The following HTT variants were observed in gnomAD, a reference collection of about 807,000 sequenced individuals.
The protein encoded by HTT is huntington disease protein.
In HTT, 104 loss-of-function variants were observed where a neutral mutation model predicts 362.3. The observed-to-expected ratio is 0.29, with a 90% CI of 0.24 to 0.34. The LOEUF is 0.34. HTT is among the 10% of genes least tolerant of loss of function. The probability of loss-of-function intolerance (pLI) is 1.00; values close to 1 mark genes in which losing one functional copy is unlikely to be tolerated. For missense variants in HTT, 3,301 were observed against 3,928.6 expected, an observed-to-expected ratio of 0.84 and a Z score of 4.27; for synonymous variants, 1,577 against 1,548.7, an observed-to-expected ratio of 1.02 and a Z score of -0.43.
At chr4:3,164,435 A>G (rs1717598674) in intron 29 of HTT, among the ~76,000 whole-genome samples, 1 of 152,178 alleles carries the variant, frequency 6.6e-6, no homozygotes, top group African/African-American at 2.4e-5. Context: ...GTAGATGTCT[A>G]TTAGGTCCGC....
intron 40 of HTT, among the ~76,000 whole-genome samples, chr4:3,190,343 T>TA (rs1225264188): frequency 2.2e-4 from 29 of 132,716 alleles, no homozygotes; most frequent in South Asian, 9.6e-4. Context: ...TGCCTCTTAT[T>TA]AAAAAAAAAT....
rs1457973236 is a variant in HTT, at chr4:3,154,383, C to A, written c.3589C>A (p.Pro1197Thr). The A allele has an allele frequency of 3.7e-6, 6 of 1,613,898 alleles. No individual in the cohort carries two copies. In the South Asian group the frequency reaches 6.6e-5, roughly 18 times the overall value. ...AGAACCAGGAGAACAAGCATCTGTACCGTTGAGTCCCAAGAAAGGCAGTGA... is the reference window on the plus strand; with the variant it reads ...AGAACCAGGAGAACAAGCATCTGTAACGTTGAGTCCCAAGAAAGGCAGTGA... ...EKEPGEQASV[P>T]LSPKKGSEAS... Residue 1197 changes from proline (P) to threonine (T), a missense_variant, in exon 27 of 67, where the codon CCG (proline) becomes ACG (threonine). This residue lies in a region of HTT where 2,316 missense variants were observed against 2,658.5 expected (regional missense o/e 0.87). Transcript: ENST00000355072.
Position 3,235,593 on chromosome 4 carries a change from A to G in HTT, c.8600A>G (p.Glu2867Gly). 6.2e-7 allele frequency: 1 copy of G among 1,613,858 alleles called. No homozygotes were observed. Reference protein sequence around the residue: ...QMCGVMLSGSEESTPSIIYHC... With the variant: ...QMCGVMLSGSGESTPSIIYHC... Reference sequence around the variant, plus strand: ...TGTGGGGTGATGCTGTCTGGAAGTGAGGAGTCCACCCCCTCCATCATTTAC... The same window carrying G: ...TGTGGGGTGATGCTGTCTGGAAGTGGGGAGTCCACCCCCTCCATCATTTAC... Residue 2867 changes from glutamate to glycine, a missense_variant, in exon 63 of 67, where the codon GAG (glutamate) becomes GGG (glycine). Glu to Gly is a moderately conservative substitution (Grantham distance 98). Coordinates refer to ENST00000355072, the MANE Select transcript of HTT (RefSeq NM_001388492.1).
intron 4 of HTT, among the ~76,000 whole-genome samples, chr4:3,104,084 C>T (rs112391116): frequency 0.083 from 12,553 of 152,004 alleles, 885 homozygotes; most frequent in African/African-American, 0.2. Flanking sequence ...ACAAACAATC[C>T]AGTTACATGC....
chr4:3,233,253 G>A lies in HTT; in HGVS notation c.8356G>A (p.Val2786Ile), dbSNP rs362272. 472,453 of 1,610,054 alleles carry A rather than the reference G, an allele frequency of 0.29. 73,436 individuals are homozygous for A. The highest frequency in any genetic ancestry group is 0.35 in the East Asian group (15,490 of 44,776). The change falls in exon 61 of 67, where the codon GTC (valine) becomes ATC (isoleucine). Residue 2786 changes from valine (V) to isoleucine (I), a missense_variant. By Grantham distance (29) the Val-to-Ile change is conservative. Around this residue, in one of 4 missense-constraint regions of HTT, gnomAD observed 753 missense variants for 1,021.3 expected, o/e 0.74. Coordinates refer to ENST00000355072, the MANE Select transcript of HTT (RefSeq NM_001388492.1). ...CAGCAGGGTTGGAGCCCTGCACGGC[G>A]TCCTCTATGTGCTGGAGTGCGACCT... ...LPSRVGALHGVLYVLECDLLD... is the reference protein window; with the variant it reads ...LPSRVGALHGILYVLECDLLD...
chr4:3,213,597 C>T (rs994417019), intron 49 of HTT, among the ~76,000 whole-genome samples: 11 of 152,218 alleles, frequency 7.2e-5, no homozygotes, highest in Admixed American at 2.6e-4. Flanking sequence ...CTAGAACCCA[C>T]GCTCTCAAAT....
intron 13 of HTT, 79 bp from the exon 14 acceptor site, chr4:3,130,226 T>C: frequency 1.9e-6 from 2 of 1,073,666 alleles, no homozygotes; most frequent in Non-Finnish European, 2.7e-6. Flanking sequence ...CTTATACTTT[T>C]GAGTTATCTT....
At chr4:3,233,831 C>A (rs1315526183) in intron 61 of HTT, among the ~76,000 whole-genome samples, 1 of 152,218 alleles carries the variant, frequency 6.6e-6, no homozygotes, top group East Asian at 1.9e-4. Context: ...GGTGCCGCAA[C>A]CCCTCAGCGA....
At chr4:3,157,249 C>G in intron 28 of HTT, 50 bp downstream of exon 28, 2 of 1,506,494 alleles carry the variant, frequency 1.3e-6, no homozygotes, top group South Asian at 1.2e-5. Context: ...ATACTTACGT[C>G]TAATGGATAG....
chr4:3,209,041 A>C, intron 46 of HTT, 130 bp downstream of exon 46: 1 of 1,021,310 alleles, frequency 9.8e-7, no homozygotes, highest in South Asian at 1.7e-5. Context: ...GGCTCAGTGA[A>C]GCTGTGGTTA....
chr4:3,155,551 T>C (rs1717098049), intron 27 of HTT, among the ~76,000 whole-genome samples: 1 of 151,124 alleles, frequency 6.6e-6, no homozygotes, highest in South Asian at 2.1e-4. Context: ...ATTGACAAAA[T>C]TGTATATATC....
At chr4:3,093,123 G>T (rs1479775857) in intron 2 of HTT, among the ~76,000 whole-genome samples, 1 of 152,186 alleles carries the variant, frequency 6.6e-6, no homozygotes, top group African/African-American at 2.4e-5. Context: ...ACCCTGTCAT[G>T]TGTGTAGCTG....
Position 3,199,923 on chromosome 4 carries a change from G to T in HTT, c.5560G>T (p.Val1854Leu). The change falls in exon 41 of 67, where the codon GTG becomes TTG. Residue 1854 changes from valine to leucine, a missense_variant. Around this residue, in one of 4 missense-constraint regions of HTT, gnomAD observed 2,316 missense variants for 2,658.5 expected, o/e 0.87. Coordinates refer to ENST00000355072, the MANE Select transcript of HTT (RefSeq NM_001388492.1). ...CACCGACTACCGCTGGTGGGCAGAAGTGCAGCAGACCCCGAAGTAGGTTCA... is the reference window on the plus strand; with the variant it reads ...CACCGACTACCGCTGGTGGGCAGAATTGCAGCAGACCCCGAAGTAGGTTCA... ...NHTDYRWWAE[V>L]QQTPKRHSLS... 6.2e-7 allele frequency: 1 copy of T among 1,613,778 alleles called. No individual in the cohort carries two copies. The highest frequency in any genetic ancestry group is 8.5e-7 in the Non-Finnish European group (1 of 1,179,828).
At chr4:3,191,433 A>G (rs1468581355) in intron 40 of HTT, among the ~76,000 whole-genome samples, 2 of 152,062 alleles carry the variant, frequency 1.3e-5, no homozygotes, top group Non-Finnish European at 2.9e-5. Context: ...CGGCCTCCCA[A>G]AGTGCTGGGA....
At chr4:3,160,469 A>T (rs1233455298) in intron 29 of HTT, 77 bp downstream of exon 29, 2 of 1,031,470 alleles carry the variant, frequency 1.9e-6, no homozygotes, top group African/African-American at 3.2e-5. Context: ...TTCATCTAGG[A>T]TGGAGCCTGG....
Position 3,105,447 on chromosome 4 carries a change from C to A in HTT, c.608+11C>A. ...GCCTCAGAAATGCAGGTAAGTTGTA[C>A]ACTCTGGATGTTGGTTTTTGTCGGG... On this transcript the variant is annotated intron_variant, in intron 5 of 66. Coordinates refer to ENST00000355072, the MANE Select transcript of HTT (RefSeq NM_001388492.1). 6.3e-7 allele frequency: 1 copy of A among 1,590,516 alleles called. No homozygotes were observed.
Position 3,212,603 on chromosome 4 carries a change from G to T in HTT, c.6668G>T (p.Arg2223Leu), listed in dbSNP as rs375059996. 1 of 1,614,176 alleles carries T rather than the reference G, an allele frequency of 6.2e-7. No homozygotes were observed. Among genetic ancestry groups the T allele is most frequent in the Non-Finnish European group, 8.5e-7 (1 of 1,180,030 alleles). Reference protein sequence around the residue: ...ALYQSLPTLARALAQYLVVVS... With the variant: ...ALYQSLPTLALALAQYLVVVS... ...TATCAGTCCCTGCCCACTCTGGCCC[G>T]GGCCCTGGCACAGTACCTGGTGGTG... Residue 2223 changes from arginine (R) to leucine (L), a missense_variant, in exon 49 of 67, where the codon CGG becomes CTG. This residue lies in a region of HTT where 220 missense variants were observed against 218.5 expected (regional missense o/e 1.01). Coordinates refer to ENST00000355072, the MANE Select transcript of HTT (RefSeq NM_001388492.1).
intron 2 of HTT, among the ~76,000 whole-genome samples, chr4:3,087,463 T>C (rs943798219): frequency 2.0e-5 from 3 of 152,198 alleles, no homozygotes; most frequent in Non-Finnish European, 2.9e-5. Context: ...CCTCTGTGCT[T>C]CGGGATTAGT....
intron 41 of HTT, among the ~76,000 whole-genome samples, chr4:3,203,803 T>C (rs1719707917): frequency 6.6e-6 from 1 of 152,262 alleles, no homozygotes; most frequent in South Asian, 2.1e-4. Flanking sequence ...AATTCTGTTT[T>C]CTTTAGTTTT....
Sources: gnomAD v4.1 joint callset for allele counts (sites outside exome capture counted in the v4.1 genomes callset) on GRCh38, gnomAD v4.1.1 for gene constraint, gnomAD v4.1.1 regional missense constraint, MANE v1.5 for transcripts, NCBI Gene and HGNC (gene_info 2026-07-23, HGNC 2026-07-21) for gene names.